The following C3orf33 variants were observed in gnomAD, a reference collection of about 807,000 sequenced individuals.
C3orf33 encodes the protein mitochondrial inner membrane subdomain organizer 1.
In C3orf33, 23 loss-of-function variants were observed where a neutral mutation model predicts 28.7. That is an observed-to-expected ratio of 0.80 (90% CI 0.58 to 1.13). The LOEUF is 1.13. C3orf33 is among the 50% of genes most tolerant of loss of function. The probability of loss-of-function intolerance (pLI) is 0.00; values close to 1 mark genes in which losing one functional copy is unlikely to be tolerated. For missense variants in C3orf33, 327 were observed against 353.4 expected (o/e 0.93, Z 0.60); for synonymous variants, 119 against 120.5 (o/e 0.99, Z 0.08).
At chr3:155,778,970 C>T (rs1001698373) in intron 2 of C3orf33, among the ~76,000 whole-genome samples, 2 of 152,052 alleles carry the variant, frequency 1.3e-5, no homozygotes, top group East Asian at 1.9e-4. Flanking sequence ...ATTCTGACAA[C>T]CAGAATAATG....
intron 3 of C3orf33, among the ~76,000 whole-genome samples, chr3:155,773,134 G>C (rs956712698): frequency 4.6e-5 from 7 of 152,150 alleles, no homozygotes; most frequent in Non-Finnish European, 1.0e-4. Flanking sequence ...AAAATAGTGA[G>C]AGGAACACAG....
At chr3:155,805,389 G>C (rs964680958) in intron 1 of C3orf33, among the ~76,000 whole-genome samples, 1 of 152,126 alleles carries the variant, frequency 6.6e-6, no homozygotes, top group African/African-American at 2.4e-5. Flanking sequence ...CTTAAGCCCA[G>C]GAAGTGGAGA....
intron 2 of C3orf33, among the ~76,000 whole-genome samples, chr3:155,786,545 G>A (rs1751120761): frequency 6.6e-6 from 1 of 152,162 alleles, no homozygotes; most frequent in South Asian, 2.1e-4. Context: ...CAAAAAACCA[G>A]GCCAGGCACA....
chr3:155,765,924 G>A (rs1750389221), intron 4 of C3orf33, among the ~76,000 whole-genome samples: 1 of 151,594 alleles, frequency 6.6e-6, no homozygotes, highest in Admixed American at 6.6e-5. Context: ...TTCTTATTTT[G>A]AAAGTACTGA....
At chr3:155,784,052 C>T (rs1414168217) in intron 2 of C3orf33, among the ~76,000 whole-genome samples, 4 of 152,038 alleles carry the variant, frequency 2.6e-5, no homozygotes, top group East Asian at 1.9e-4. Flanking sequence ...CTGCCTCAGC[C>T]TCCCAAGTAG....
rs1750315944 is a variant in C3orf33, at chr3:155,763,880, C to T, written c.522G>A (p.Leu174=). 3 of 1,497,678 alleles carry T rather than the reference C, an allele frequency of 2.0e-6. No individual in the cohort carries two copies. In the South Asian group the frequency reaches 4.2e-5, roughly 21 times the overall value. The allele number at this position is 1,497,678 out of a possible 1,614,324, so 92.8% of individuals were successfully genotyped here. A position where few individuals can be genotyped will look rare whatever the true frequency, so the allele number is the denominator to read the frequency against. Residue 174 remains leucine, a synonymous_variant, in exon 5 of 5, where the codon TTG becomes TTA. Transcript: ENST00000340171. The part of the protein sequence containing the change: ...YFSVNLNEEI[L]RRGLGKTVLV... ...GAACAGTTTTGCCAAGGCCTCTTCT[C>T]AAAATTTCTTCATTCAGATTCACGC...
rs900189230 is a variant in C3orf33 at position 155,806,168 on chromosome 3, A to G, written c.85T>C (p.Trp29Arg). The G allele has an allele frequency of 2.3e-5, 34 of 1,487,420 alleles. No individual in the cohort carries two copies. The highest frequency in any genetic ancestry group is 3.0e-5 in the Non-Finnish European group (34 of 1,116,852). The allele number at this position is 1,487,420 out of a possible 1,614,324, so 92.1% of individuals were successfully genotyped here. The change falls in exon 1 of 5, where the codon TGG becomes CGG. Residue 29 changes from tryptophan to arginine, a missense_variant. Transcript: ENST00000340171. ...EPNVVARISQ[W>R]ADDHLRLVRN... ...ACTAGGCGCAGGTGGTCGTCTGCCC[A>G]CTGCGAGATCCGAGCCACGACGTTG... is the stretch of plus-strand genomic sequence containing the variant.
intron 2 of C3orf33, among the ~76,000 whole-genome samples, chr3:155,776,492 C>T (rs902026404): frequency 6.6e-6 from 1 of 151,924 alleles, no homozygotes; most frequent in Non-Finnish European, 1.5e-5. Flanking sequence ...GCTCACATAA[C>T]AGAAGGAAAA....
Position 155,806,187 on chromosome 3 carries a change from G to T in C3orf33, c.66C>A (p.Val22=). 6.7e-7 allele frequency: 1 copy of T among 1,501,780 alleles called. No individual in the cohort carries two copies. The highest frequency in any genetic ancestry group is 8.9e-7 in the Non-Finnish European group (1 of 1,126,272). 93.0% of individuals were successfully genotyped at this position (1,501,780 alleles called of 1,614,324 possible). The part of the protein sequence containing the change: ...SADKDGMEPN[V]VARISQWADD... ...CTGCCCACTGCGAGATCCGAGCCAC[G>T]ACGTTGGGCTCCATTCCGTCCTTGT... The change falls in exon 1 of 5, where the codon GTC becomes GTA. Residue 22 remains valine, a synonymous_variant. Coordinates refer to ENST00000340171, the MANE Select transcript of C3orf33 (RefSeq NM_001308229.2).
chr3:155,790,451 C>T (rs1179563424), intron 2 of C3orf33, among the ~76,000 whole-genome samples: 1 of 152,074 alleles, frequency 6.6e-6, no homozygotes, highest in Non-Finnish European at 1.5e-5. Flanking sequence ...AGAAAAATGG[C>T]TGAATCATGG....
intron 3 of C3orf33, among the ~76,000 whole-genome samples, chr3:155,772,769 G>GTT (rs1398630444): frequency 8.2e-5 from 7 of 85,398 alleles, no homozygotes; most frequent in South Asian, 7.3e-4. Context: ...AAATTTTTAG[G>GTT]CTCTGTGTGT....
At chr3:155,769,092 C>T (rs1320597099) in intron 3 of C3orf33, among the ~76,000 whole-genome samples, 2 of 152,114 alleles carry the variant, frequency 1.3e-5, no homozygotes, top group African/African-American at 4.8e-5. Context: ...GCAGGTGGAT[C>T]ACCTGAGGTT....
chr3:155,790,841 A>G (rs1751293244), intron 2 of C3orf33, among the ~76,000 whole-genome samples: 1 of 152,102 alleles, frequency 6.6e-6, no homozygotes, highest in Admixed American at 6.6e-5. Context: ...CCTCACCACC[A>G]CGGGATAATG....
At position 155,806,253 on chromosome 3, in the gene C3orf33, G is replaced by A; in HGVS notation, c.-1C>T. Reference sequence around the variant, plus strand: ...CGGTGGCCGCGGGCTGCCCCGCCATGTTCCCGGCCTCCTGCGAGCGGCCCT... The same window carrying A: ...CGGTGGCCGCGGGCTGCCCCGCCATATTCCCGGCCTCCTGCGAGCGGCCCT... On this transcript the variant is annotated 5_prime_UTR_variant, in exon 1 of 5. Transcript: ENST00000340171. The A allele has an allele frequency of 6.8e-7, 1 of 1,468,904 alleles. No individual in the cohort carries two copies. Among genetic ancestry groups the A allele is most frequent in the Non-Finnish European group, 9.0e-7 (1 of 1,108,088 alleles). 91.0% of individuals were successfully genotyped at this position (1,468,904 alleles called of 1,614,324 possible).
chr3:155,776,378 C>T (rs559530871), intron 2 of C3orf33, among the ~76,000 whole-genome samples: 3 of 152,252 alleles, frequency 2.0e-5, no homozygotes, highest in Admixed American at 1.3e-4. Flanking sequence ...GTACTACAAT[C>T]CCTAACACTT....
intron 2 of C3orf33, among the ~76,000 whole-genome samples, chr3:155,799,620 C>T (rs1392323708): frequency 2.0e-5 from 3 of 152,064 alleles, no homozygotes; most frequent in Non-Finnish European, 4.4e-5. Context: ...GCCCGCAAGA[C>T]CAAGGCTGCA....
chr3:155,800,222 A>G (rs2109281654), intron 2 of C3orf33, among the ~76,000 whole-genome samples: 1 of 152,276 alleles, frequency 6.6e-6, no homozygotes, highest in East Asian at 1.9e-4. Flanking sequence ...CAAAAATTAA[A>G]ATGAAAAAAG....
At chr3:155,793,622 C>T (rs2109275630) in intron 2 of C3orf33, among the ~76,000 whole-genome samples, 1 of 151,624 alleles carries the variant, frequency 6.6e-6, no homozygotes, top group East Asian at 2.0e-4. Flanking sequence ...CCAGCCTGGC[C>T]AACATAGCGA....
chr3:155,774,710 T>C (rs566797600), intron 3 of C3orf33, among the ~76,000 whole-genome samples: 99 of 150,072 alleles, frequency 6.6e-4, no homozygotes, highest in African/African-American at 2.3e-3. Context: ...ATCATTAGTG[T>C]ATTTAATGTG....
Sources: gnomAD v4.1 joint callset for allele counts (sites outside exome capture counted in the v4.1 genomes callset) on GRCh38, gnomAD v4.1.1 for gene constraint, MANE v1.5 for transcripts, NCBI Gene and HGNC (gene_info 2026-07-23, HGNC 2026-07-21) for gene names.